Variants in RUNX1 observed in about 807,000 individuals in gnomAD.
RUNX1 encodes the protein RUNX family transcription factor 1.
A neutral mutation model predicts 42.8 loss-of-function variants in RUNX1; 19 were observed. The ratio of observed to expected loss-of-function variants is 0.44; its 90% CI spans 0.31 to 0.65. The LOEUF is 0.65. Among genes scored for constraint, RUNX1 ranks in the 30% least tolerant of loss-of-function variants. RUNX1 has a pLI of 0.07. For missense variants in RUNX1, 528 were observed against 672.0 expected (o/e 0.79, Z 2.37); for synonymous variants, 271 against 289.4 (o/e 0.94, Z 0.64).
intron 2 of RUNX1, among the ~76,000 whole-genome samples, chr21:34,903,383 A>T (rs1183576675): frequency 6.6e-6 from 1 of 152,206 alleles, no homozygotes; most frequent in Non-Finnish European, 1.5e-5. Context: ...TTATTATTAC[A>T]ACTGTTACTA....
chr21:34,934,547 G>A (rs1360707822), intron 2 of RUNX1, among the ~76,000 whole-genome samples: 1 of 152,148 alleles, frequency 6.6e-6, no homozygotes. Flanking sequence ...GGCAGGTGAT[G>A]GAAGCTTGGC....
At chr21:34,975,808 G>A (rs1288425153) in intron 2 of RUNX1, among the ~76,000 whole-genome samples, 1 of 151,040 alleles carries the variant, frequency 6.6e-6, no homozygotes, top group African/African-American at 2.4e-5. Context: ...CTTGGGGGGC[G>A]GAAATAGTTT....
chr21:34,945,351 A>G (rs974051392), intron 2 of RUNX1, among the ~76,000 whole-genome samples: 3 of 152,220 alleles, frequency 2.0e-5, no homozygotes, highest in African/African-American at 4.8e-5. Flanking sequence ...GGCTTGCCCA[A>G]TGAGTGGAAC....
At position 34,895,054 on chromosome 21, in the gene RUNX1, T is replaced by C. The variant is rs571070531; in HGVS notation, c.59-2091A>G. 2.3e-3 allele frequency among the ~76,000 whole-genome samples: 349 copies of C among 151,936 alleles called. 3 individuals are homozygous for C. The highest frequency in any genetic ancestry group is 6.8e-3 in the Middle Eastern group (2 of 294). ...ACTCTGATCTCATCTTTCACTTTTA[T>C]CCCCCCCGTCTCAGGGTCTAGATCA... On this transcript the variant is annotated intron_variant, in intron 2 of 8. Transcript: ENST00000675419.
intron 2 of RUNX1, among the ~76,000 whole-genome samples, chr21:34,939,903 T>C (rs999407259): frequency 2.0e-5 from 3 of 152,124 alleles, no homozygotes; most frequent in African/African-American, 7.2e-5. Context: ...AGCCCAACGA[T>C]TGCGCAACAT....
intron 7 of RUNX1, among the ~76,000 whole-genome samples, chr21:34,800,448 T>G (rs2145913739): frequency 6.6e-6 from 1 of 152,346 alleles, no homozygotes; most frequent in Non-Finnish European, 1.5e-5. Flanking sequence ...TGGACAAAGA[T>G]AACAGTGAAC....
At chr21:34,908,081 A>G (rs1440048450) in intron 2 of RUNX1, among the ~76,000 whole-genome samples, 1 of 152,176 alleles carries the variant, frequency 6.6e-6, no homozygotes, top group Admixed American at 6.5e-5. Context: ...GTCTTATGAA[A>G]TTGTATTTAC....
intron 2 of RUNX1, among the ~76,000 whole-genome samples, chr21:35,035,486 T>C (rs2059301306): frequency 6.6e-6 from 1 of 152,224 alleles, no homozygotes; most frequent in South Asian, 2.1e-4. Context: ...GGGCTGCTTT[T>C]GTAACCTGGT....
intron 7 of RUNX1, among the ~76,000 whole-genome samples, chr21:34,813,389 G>A (rs1383996572): frequency 6.6e-6 from 1 of 152,142 alleles, no homozygotes; most frequent in East Asian, 1.9e-4. Flanking sequence ...TTCAGGATCG[G>A]GGAAAGCTAA....
rs528677282 is a variant in RUNX1, at chr21:35,002,037, C to T, written c.58+46805G>A. Among the ~76,000 whole-genome samples the T allele has an allele frequency of 2.8e-4, 42 of 152,166 alleles. 1 individual carries two copies. In the South Asian group the frequency reaches 5.2e-3, roughly 19 times the overall value. ...CACCTCATGTTCATGGATTGGAAGA[C>T]CTGCTGTTAAGATAACTATACTACC... On this transcript the variant is annotated intron_variant, in intron 2 of 8. Coordinates refer to ENST00000675419, the MANE Select transcript of RUNX1 (RefSeq NM_001754.5).
intron 2 of RUNX1, among the ~76,000 whole-genome samples, chr21:34,920,599 T>C (rs2058346561): frequency 6.6e-6 from 1 of 152,218 alleles, no homozygotes; most frequent in Non-Finnish European, 1.5e-5. Context: ...AACTTTTAGA[T>C]TGTTAAGGAA....
intron 6 of RUNX1, among the ~76,000 whole-genome samples, chr21:34,849,138 T>C (rs959053160): frequency 3.4e-5 from 5 of 146,816 alleles, no homozygotes; most frequent in Non-Finnish European, 7.4e-5. Flanking sequence ...ATCATGAAAG[T>C]ACCAAACCAA....
chr21:35,038,337 C>A, intron 2 of RUNX1: 1 of 335,628 alleles, frequency 3.0e-6, no homozygotes. Flanking sequence ...GTAGAAGAAG[C>A]CCCTGGTGAT....
In RUNX1 at chr21:34,843,866, C is replaced by T. The variant is rs1397407757; in HGVS notation, c.614-9265G>A. On this transcript the variant is annotated intron_variant, in intron 6 of 8. Coordinates refer to ENST00000675419, the MANE Select transcript of RUNX1 (RefSeq NM_001754.5). This position sits in a 1 kb window ranked among gnomAD's most constrained non-coding sequence, Gnocchi z 4.8. Reference sequence around the variant, plus strand: ...TCCCCGGTCGCCAGGGCTCACTGTCCATTTCTGTCTGGTGACTAAGGAGGT... The same window carrying T: ...TCCCCGGTCGCCAGGGCTCACTGTCTATTTCTGTCTGGTGACTAAGGAGGT... Among the ~76,000 whole-genome samples the T allele has an allele frequency of 1.3e-5, 2 of 152,170 alleles. No individual in the cohort carries two copies. Among genetic ancestry groups the T allele is most frequent in the African/African-American group, 4.8e-5 (2 of 41,446 alleles).
intron 3 of RUNX1, 152 bp from the exon 4 acceptor site, chr21:34,887,248 G>T (rs1450847138): frequency 4.8e-6 from 3 of 627,838 alleles, no homozygotes; most frequent in African/African-American, 2.0e-5. Context: ...GGGGTGGGGG[G>T]GGGCGGGGGT....
At chr21:35,001,308 T>TATATA (rs2059041053) in intron 2 of RUNX1, among the ~76,000 whole-genome samples, 102 of 142,450 alleles carry the variant, frequency 7.2e-4, no homozygotes, top group African/African-American at 2.4e-3. Flanking sequence ...AGTTATGGTT[T>TATATA]TATATATATA....
intron 2 of RUNX1, among the ~76,000 whole-genome samples, chr21:34,974,398 G>GA (rs112091332): frequency 1.5e-3 from 210 of 139,044 alleles, no homozygotes; most frequent in East Asian, 4.3e-3. Flanking sequence ...CCGAAACCGT[G>GA]AAAAAAAAAA....
intron 2 of RUNX1, among the ~76,000 whole-genome samples, chr21:34,893,874 T>A (rs1396658464): frequency 3.3e-5 from 5 of 152,118 alleles, no homozygotes; most frequent in African/African-American, 1.2e-4. Flanking sequence ...GCAGCTTCTT[T>A]AGTCTTATAT....
intron 2 of RUNX1, among the ~76,000 whole-genome samples, chr21:35,003,655 T>C (rs865890695): frequency 6.6e-6 from 1 of 152,160 alleles, no homozygotes; most frequent in Non-Finnish European, 1.5e-5. Context: ...CACAGCTTTA[T>C]CTCCAAGCTC....
Sources: gnomAD v4.1 joint callset for allele counts (sites outside exome capture counted in the v4.1 genomes callset) on GRCh38, gnomAD v4.1.1 for gene constraint, Gnocchi (gnomAD v3.1) non-coding constraint, MANE v1.5 for transcripts, NCBI Gene and HGNC (gene_info 2026-07-23, HGNC 2026-07-21) for gene names.